LRRC8B: variants seen among roughly 807,000 people sequenced by gnomAD.
LRRC8B encodes volume-regulated anion channel subunit LRRC8B.
LRRC8B carries 23 observed loss-of-function variants against 58.8 expected under a neutral mutation model. That is an observed-to-expected ratio of 0.39 (90% CI 0.28 to 0.55). The LOEUF is 0.55. Among genes scored for constraint, LRRC8B ranks in the 20% least tolerant of loss-of-function variants. The pLI is 0.62. For missense variants in LRRC8B, 694 were observed against 936.0 expected (o/e 0.74, Z 3.37); for synonymous variants, 359 against 374.1 (o/e 0.96, Z 0.47).
At chr1:89,538,820 A>G (rs1650736085) in intron 1 of LRRC8B, among the ~76,000 whole-genome samples, 1 of 152,112 alleles carries the variant, frequency 6.6e-6, no homozygotes, top group Non-Finnish European at 1.5e-5. Flanking sequence ...TACCGGGTTC[A>G]AGCGATTCCC....
rs1036036099 is a variant in LRRC8B at position 89,579,651 on chromosome 1, C to T, written c.-64C>T. 1 of 152,430 alleles carries T rather than the reference C, an allele frequency of 6.6e-6. No individual in the cohort carries two copies. The highest frequency in any genetic ancestry group is 1.5e-5 in the Non-Finnish European group (1 of 68,006). 9.4% of individuals were successfully genotyped at this position (152,430 alleles called of 1,614,324 possible). A position where few individuals can be genotyped will look rare whatever the true frequency, so the allele number is the denominator to read the frequency against. ...ACTTCAAAAGGTGTAGACCTCCTGA[C>T]TGAAGCATATTGGATTTATTTAATT... On this transcript the variant is annotated 5_prime_UTR_variant, in exon 4 of 6. Coordinates refer to ENST00000330947, the MANE Select transcript of LRRC8B (RefSeq NM_001369817.2).
intron 1 of LRRC8B, chr1:89,558,780 G>C (rs1294326230): frequency 6.6e-6 from 1 of 152,252 alleles, no homozygotes; most frequent in East Asian, 1.9e-4. Context: ...CATGGTGTAG[G>C]AGTAGAAAAG....
intron 1 of LRRC8B, among the ~76,000 whole-genome samples, chr1:89,561,019 C>G (rs1652605723): frequency 1.3e-5 from 2 of 149,524 alleles, no homozygotes; most frequent in African/African-American, 2.4e-5. Context: ...TAAAAGTGTT[C>G]CTATTTCTCC....
rs1009792743 is a variant in LRRC8B, at chr1:89,593,587, G to T, written c.*544G>T. On this transcript the variant is annotated 3_prime_UTR_variant, in exon 6 of 6. Transcript: ENST00000330947. ...CTGTTCTTTAACTTATTGAGATGTT[G>T]CAAGAAATGCACATCCAGGGTGGAC... 2 of 152,462 alleles carry T rather than the reference G, an allele frequency of 1.3e-5. No homozygotes were observed. The highest frequency in any genetic ancestry group is 4.8e-5 in the African/African-American group (2 of 41,424). The allele number at this position is 152,462 out of a possible 1,614,324, so 9.4% of individuals were successfully genotyped here. A position where few individuals can be genotyped will look rare whatever the true frequency, so the allele number is the denominator to read the frequency against.
intron 1 of LRRC8B, among the ~76,000 whole-genome samples, chr1:89,557,911 C>T (rs192523388): frequency 7.2e-5 from 11 of 152,124 alleles, no homozygotes; most frequent in East Asian, 1.9e-4. Context: ...CTAACATGTG[C>T]AGGGTTGACT....
chr1:89,581,127 T>G (rs1654191470), intron 4 of LRRC8B, among the ~76,000 whole-genome samples: 1 of 151,922 alleles, frequency 6.6e-6, no homozygotes, highest in South Asian at 2.1e-4. Flanking sequence ...CCATCTCCTG[T>G]CTCTACTAAA....
intron 1 of LRRC8B, among the ~76,000 whole-genome samples, chr1:89,536,886 T>C (rs1650577249): frequency 6.6e-6 from 1 of 152,200 alleles, no homozygotes; most frequent in Non-Finnish European, 1.5e-5. Flanking sequence ...TTAACTTTTT[T>C]ATATTATAGA....
rs891491153 is a variant in LRRC8B at position 89,574,605 on chromosome 1, T to C, written c.-124-4986T>C. 2.6e-5 allele frequency among the ~76,000 whole-genome samples: 4 copies of C among 152,180 alleles called. No individual in the cohort carries two copies. In the East Asian group the frequency reaches 7.7e-4, roughly 29 times the overall value. ...TTTAACTCCTTTTTTAACTCCCCTT[T>C]TTTTTTGATACTGTGATCAAAGTAT... On this transcript the variant is annotated intron_variant, in intron 3 of 5. Transcript: ENST00000330947.
chr1:89,563,787 T>TCCAA (rs1652851947), intron 1 of LRRC8B, among the ~76,000 whole-genome samples: 1 of 152,168 alleles, frequency 6.6e-6, no homozygotes, highest in African/African-American at 2.4e-5. Flanking sequence ...CTCCATTAGG[T>TCCAA]TGAAACCATT....
chr1:89,582,233 A>C (rs1247383438), intron 4 of LRRC8B, among the ~76,000 whole-genome samples: 5 of 151,860 alleles, frequency 3.3e-5, no homozygotes, highest in African/African-American at 1.2e-4. Flanking sequence ...GAAGAAAAAA[A>C]GAAAGAAAGA....
At chr1:89,557,838 T>G (rs1448257603) in intron 1 of LRRC8B, among the ~76,000 whole-genome samples, 1 of 152,248 alleles carries the variant, frequency 6.6e-6, no homozygotes, top group Non-Finnish European at 1.5e-5. Flanking sequence ...AGGAAATTTA[T>G]ACTTACCTAA....
rs1181810309 is a variant in LRRC8B at position 89,596,300 on chromosome 1, C to G, written c.*3257C>G. 1 of 152,030 alleles carries G rather than the reference C, an allele frequency of 6.6e-6. No individual in the cohort carries two copies. Among genetic ancestry groups the G allele is most frequent in the Non-Finnish European group, 1.5e-5 (1 of 67,956 alleles). 9.4% of individuals were successfully genotyped at this position (152,030 alleles called of 1,614,324 possible). A position where few individuals can be genotyped will look rare whatever the true frequency, so the allele number is the denominator to read the frequency against. ...AGATACTATCTTTTCATTCTTCACT[C>G]CCAGTCTTAATTTCTTTCCCCTGTA... On this transcript the variant is annotated 3_prime_UTR_variant, in exon 6 of 6. Transcript: ENST00000330947.
At position 89,583,515 on chromosome 1, in the gene LRRC8B, T is replaced by G; in HGVS notation, c.865T>G (p.Cys289Gly). 2 of 1,613,496 alleles carry G rather than the reference T, an allele frequency of 1.2e-6. No individual in the cohort carries two copies. Among genetic ancestry groups the G allele is most frequent in the South Asian group, 2.2e-5 (2 of 91,076 alleles). ...AACCCACATCACTCTTGAAATCGAC[T>G]GTTCAGTTGATGTGCAGGCTTTTAC... ...FLTHITLEID[C>G]SVDVQAFTGY... Residue 289 changes from cysteine to glycine, a missense_variant, in exon 5 of 6, where the codon TGT becomes GGT. Physicochemically the swap from Cys to Gly is radical, Grantham distance 159. Around this residue, in one of 5 missense-constraint regions of LRRC8B, gnomAD observed 316 missense variants for 403.8 expected, o/e 0.78. Transcript: ENST00000330947. The surrounding 1 kb of genome is among the most constrained non-coding windows in gnomAD (Gnocchi z 5.2).
chr1:89,556,368 A>G (rs60567741), intron 1 of LRRC8B, among the ~76,000 whole-genome samples: 3,660 of 152,234 alleles, frequency 0.024, 157 homozygotes, highest in African/African-American at 0.084. Flanking sequence ...CAATAAAGGT[A>G]AGTAAAGTGT....
At chr1:89,570,430 G>A (rs1035921116) in intron 3 of LRRC8B, among the ~76,000 whole-genome samples, 7 of 152,016 alleles carry the variant, frequency 4.6e-5, no homozygotes, top group Admixed American at 1.3e-4. Context: ...GTGAGATGGT[G>A]TCTCATTGTG....
chr1:89,539,533 C>T (rs995307400), intron 1 of LRRC8B, among the ~76,000 whole-genome samples: 2 of 152,110 alleles, frequency 1.3e-5, no homozygotes, highest in Non-Finnish European at 2.9e-5. Context: ...TTTATCAGTC[C>T]TTATTCTACC....
At chr1:89,591,247 A>G (rs531615812) in intron 5 of LRRC8B, among the ~76,000 whole-genome samples, 2 of 152,324 alleles carry the variant, frequency 1.3e-5, no homozygotes, top group African/African-American at 4.8e-5. Context: ...AGGCACCAAC[A>G]AGCACTCTTA....
intron 4 of LRRC8B, among the ~76,000 whole-genome samples, 187 bp downstream of exon 4, chr1:89,579,875 T>C (rs1045743043): frequency 1.3e-5 from 2 of 152,214 alleles, no homozygotes; most frequent in Non-Finnish European, 2.9e-5. Context: ...AAATGAAACA[T>C]GAATTTAGAG....
intron 1 of LRRC8B, among the ~76,000 whole-genome samples, chr1:89,550,186 A>G (rs1369803759): frequency 1.3e-5 from 2 of 152,202 alleles, no homozygotes; most frequent in Non-Finnish European, 2.9e-5. Context: ...CTTAAAAGTA[A>G]TAGTAGTACT....
Sources: gnomAD v4.1 joint callset for allele counts (sites outside exome capture counted in the v4.1 genomes callset) on GRCh38, gnomAD v4.1.1 for gene constraint, gnomAD v4.1.1 regional missense constraint, Gnocchi (gnomAD v3.1) non-coding constraint, MANE v1.5 for transcripts, NCBI Gene and HGNC (gene_info 2026-07-23, HGNC 2026-07-21) for gene names.